The following CELF5 variants were observed in gnomAD, a reference collection of about 807,000 sequenced individuals.
The protein encoded by CELF5 is CUG-BP and ETR-3 like factor 5.
Under a neutral mutation model 54.9 loss-of-function variants are expected in CELF5, and 6 were observed. The observed-to-expected ratio is 0.11, with a 90% confidence interval of 0.06 to 0.22. CELF5 has a LOEUF of 0.22. Ranked by LOEUF, CELF5 falls within the 10% of genes least tolerant of loss-of-function variation. The pLI, the probability that CELF5 is intolerant of heterozygous loss-of-function variation, is 1.00. For missense variants in CELF5, 401 were observed against 678.6 expected (o/e 0.59, Z 4.54); for synonymous variants, 271 against 290.9 (o/e 0.93, Z 0.70).
Position 3,281,358 on chromosome 19 carries a change from G to A in CELF5, c.750+13G>A. On this transcript the variant is annotated intron_variant, in intron 6 of 12. Coordinates refer to ENST00000292672, the MANE Select transcript of CELF5 (RefSeq NM_021938.4). The surrounding 1 kb of genome is among the most constrained non-coding windows in gnomAD (Gnocchi z 6.5). ...CTACGCCCAGGCTGTGAGTGACCCA[G>A]TGACAGCTTCGGGGCTCCGGCTCCG... 6.3e-7 allele frequency: 1 copy of A among 1,590,054 alleles called. No individual in the cohort carries two copies. The highest frequency in any genetic ancestry group is 8.6e-7 in the Non-Finnish European group (1 of 1,165,980).
At chr19:3,265,771 C>A (rs1256577380) in intron 2 of CELF5, among the ~76,000 whole-genome samples, 3 of 152,084 alleles carry the variant, frequency 2.0e-5, no homozygotes, top group Non-Finnish European at 4.4e-5. Context: ...TATGCAGTAG[C>A]CATTCTTGAT....
Position 3,275,132 on chromosome 19 carries a change from C to T in CELF5, c.395-724C>T, listed in dbSNP as rs1455702893. Reference sequence around the variant, plus strand: ...TTCCATAGTAACCCAGCTCACCGTCCCTAGGAGATGAAGCCACCACGTTCC... The same window carrying T: ...TTCCATAGTAACCCAGCTCACCGTCTCTAGGAGATGAAGCCACCACGTTCC... On this transcript the variant is annotated intron_variant, in intron 3 of 12. Transcript: ENST00000292672. This position sits in a 1 kb window ranked among gnomAD's most constrained non-coding sequence, Gnocchi z 6.7. Among the ~76,000 whole-genome samples the T allele has an allele frequency of 1.3e-5, 2 of 152,096 alleles. No homozygotes were observed. Among genetic ancestry groups the T allele is most frequent in the Non-Finnish European group, 2.9e-5 (2 of 68,034 alleles).
intron 11 of CELF5, 129 bp downstream of exon 11, chr19:3,290,503 G>A: frequency 2.0e-6 from 2 of 1,013,746 alleles, no homozygotes; most frequent in South Asian, 1.5e-5. Context: ...ACCAGCCTGT[G>A]GCCGGGCACA....
intron 2 of CELF5, among the ~76,000 whole-genome samples, chr19:3,270,377 A>C (rs1351004452): frequency 6.6e-6 from 1 of 151,678 alleles, no homozygotes; most frequent in Non-Finnish European, 1.5e-5. Flanking sequence ...CTCGGCAGAG[A>C]CCTCGGTGGG....
Position 3,277,986 on chromosome 19 carries a change from C to T in CELF5, c.524-45C>T, listed in dbSNP as rs748767797. On this transcript the variant is annotated intron_variant, in intron 4 of 12. Coordinates refer to ENST00000292672, the MANE Select transcript of CELF5 (RefSeq NM_021938.4). ...TCCTGTGGCCCCCGCTCAGCCAGTC[C>T]TGTGACCCCATCACCCTCTACCTCT... 64 of 1,535,534 alleles carry T rather than the reference C, an allele frequency of 4.2e-5. No homozygotes were observed. In the East Asian group the frequency reaches 1.4e-3, roughly 35 times the overall value.
intron 4 of CELF5, among the ~76,000 whole-genome samples, chr19:3,276,541 G>T (rs2080056476): frequency 6.6e-6 from 1 of 151,590 alleles, no homozygotes; most frequent in Non-Finnish European, 1.5e-5. Context: ...CAGGTGGGGC[G>T]GGGCCAGGCC....
Position 3,278,987 on chromosome 19 carries a change from G to A in CELF5, c.603+877G>A, listed in dbSNP as rs1211700069. Among the ~76,000 whole-genome samples the A allele has an allele frequency of 6.6e-6, 1 of 152,196 alleles. No homozygotes were observed. Among genetic ancestry groups the A allele is most frequent in the African/African-American group, 2.4e-5 (1 of 41,438 alleles). ...CCTGGACTTTCTCCTAGGGCAGTGG[G>A]GAGCCACAGACGGTTTAGAGCAAGG... is the stretch of plus-strand genomic sequence containing the variant. On this transcript the variant is annotated intron_variant, in intron 5 of 12. Coordinates refer to ENST00000292672, the MANE Select transcript of CELF5 (RefSeq NM_021938.4). This position sits in a 1 kb window ranked among gnomAD's most constrained non-coding sequence, Gnocchi z 4.5.
intron 5 of CELF5, among the ~76,000 whole-genome samples, chr19:3,280,476 G>A (rs1335804996): frequency 1.3e-5 from 2 of 152,134 alleles, no homozygotes; most frequent in African/African-American, 4.8e-5. Flanking sequence ...TCAAGAGGCT[G>A]AGGCAGGAGA....
At chr19:3,277,039 T>G (rs1287837960) in intron 4 of CELF5, among the ~76,000 whole-genome samples, 1 of 152,184 alleles carries the variant, frequency 6.6e-6, no homozygotes, top group African/African-American at 2.4e-5. Context: ...CTGTCTATCT[T>G]CCTGCCTGAG....
chr19:3,241,997 A>G (rs2079497830), intron 1 of CELF5, among the ~76,000 whole-genome samples: 1 of 151,284 alleles, frequency 6.6e-6, no homozygotes, highest in Admixed American at 6.6e-5. Context: ...CTGGTCTCAA[A>G]CTCCTGACCT....
intron 10 of CELF5, among the ~76,000 whole-genome samples, chr19:3,288,415 A>G (rs1259942367): frequency 6.6e-6 from 1 of 151,982 alleles, no homozygotes; most frequent in African/African-American, 2.4e-5. Context: ...CCAGCTACTC[A>G]GGAGGCTGAG....
Position 3,275,414 on chromosome 19 carries a change from AC to A in CELF5, c.395-440del, listed in dbSNP as rs1438408271. On this transcript the variant is annotated intron_variant, in intron 3 of 12. Coordinates refer to ENST00000292672, the MANE Select transcript of CELF5 (RefSeq NM_021938.4). The surrounding 1 kb of genome is among the most constrained non-coding windows in gnomAD (Gnocchi z 6.7). ...GAAAGTGCGGGGACCATCAGTGCCC[AC>A]CTCCGCCTGGCAGGTCCGGGGAGCA... 6.6e-6 allele frequency among the ~76,000 whole-genome samples: 1 copy of A among 152,180 alleles called. No individual in the cohort carries two copies. Among genetic ancestry groups the A allele is most frequent in the Non-Finnish European group, 1.5e-5 (1 of 68,024 alleles).
chr19:3,286,016 C>T lies in CELF5; in HGVS notation c.1177C>T (p.Gln393Ter). 6.3e-7 allele frequency: 1 copy of T among 1,583,156 alleles called. No individual in the cohort carries two copies. Among genetic ancestry groups the T allele is most frequent in the East Asian group, 2.3e-5 (1 of 42,732 alleles). ...GCCGCCGCCCCTCCTGCAGCAGCAG[C>T]AGCGAGAAGGTGAGGCGGCCGCAAC... The part of the protein sequence containing the change: ...PQPPPLLQQQ[Q>*]REGPEGCNLF... Residue 393 changes from glutamine to a stop codon, truncating the protein, a stop_gained, in exon 10 of 13, where the codon CAG becomes TAG. Coordinates refer to ENST00000292672, the MANE Select transcript of CELF5 (RefSeq NM_021938.4). LOFTEE classifies it high-confidence loss of function.
intron 1 of CELF5, among the ~76,000 whole-genome samples, chr19:3,240,991 C>T (rs1460768367): frequency 6.6e-6 from 1 of 152,094 alleles, no homozygotes; most frequent in Non-Finnish European, 1.5e-5. Context: ...CCTTGATCCC[C>T]AATGTACCCT....
rs1277045652 is a variant in CELF5 at position 3,282,940 on chromosome 19, C to G, written c.1039+442C>G. Among the ~76,000 whole-genome samples the G allele has an allele frequency of 6.6e-6, 1 of 152,200 alleles. No homozygotes were observed. The highest frequency in any genetic ancestry group is 1.5e-5 in the Non-Finnish European group (1 of 68,026). ...CCGCTTCCCAGGTTCAAGTGATTCT[C>G]CTGCCTCAGCCTCCCAAGTAGCTGG... On this transcript the variant is annotated intron_variant, in intron 8 of 12. Transcript: ENST00000292672. The surrounding 1 kb of genome is among the most constrained non-coding windows in gnomAD (Gnocchi z 5.2).
At chr19:3,232,477 G>A (rs747019806) in intron 1 of CELF5, among the ~76,000 whole-genome samples, 1 of 151,880 alleles carries the variant, frequency 6.6e-6, no homozygotes, top group Admixed American at 6.6e-5. Context: ...ACAGGAGTTA[G>A]AGATTACAGT....
At chr19:3,242,671 T>G (rs1016341706) in intron 1 of CELF5, among the ~76,000 whole-genome samples, 14 of 152,268 alleles carry the variant, frequency 9.2e-5, no homozygotes, top group African/African-American at 3.4e-4. Flanking sequence ...ACAGTCATAG[T>G]GGCAGGCGCC....
intron 11 of CELF5, 113 bp downstream of exon 11, chr19:3,290,487 A>G (rs1272641871): frequency 2.4e-5 from 29 of 1,188,644 alleles, no homozygotes; most frequent in Non-Finnish European, 3.3e-5. Flanking sequence ...AATAATCACA[A>G]TCAGAACCAG....
At chr19:3,229,740 T>C (rs773491459) in intron 1 of CELF5, among the ~76,000 whole-genome samples, 19 of 152,138 alleles carry the variant, frequency 1.2e-4, no homozygotes, top group African/African-American at 4.6e-4. Context: ...GGGAGCGGGC[T>C]TGTTACATGA....
Sources: gnomAD v4.1 joint callset for allele counts (sites outside exome capture counted in the v4.1 genomes callset) on GRCh38, gnomAD v4.1.1 for gene constraint, Gnocchi (gnomAD v3.1) non-coding constraint, MANE v1.5 for transcripts, NCBI Gene and HGNC (gene_info 2026-07-23, HGNC 2026-07-21) for gene names.